The following SLC7A2 variants were observed in gnomAD, a reference collection of about 807,000 sequenced individuals.
The protein encoded by SLC7A2 is solute carrier family 7 member 2.
SLC7A2 carries 48 observed loss-of-function variants against 58.9 expected under a neutral mutation model. The ratio of observed to expected loss-of-function variants is 0.82; its 90% CI spans 0.65 to 1.04. The LOEUF is 1.04. Ranked by LOEUF, SLC7A2 falls within the 50% of genes least tolerant of loss-of-function variation. The pLI, the probability that SLC7A2 is intolerant of heterozygous loss-of-function variation, is 0.00. For synonymous variants in SLC7A2, 363 were observed against 314.5 expected (o/e 1.15, Z -1.63); for missense variants, 1,029 against 818.8 (o/e 1.26, Z -3.13).
At chr8:17,495,330 C>G (rs1033906714), upstream of SLC7A2, among the ~76,000 whole-genome samples, 1 of 152,230 alleles carries the variant, frequency 6.6e-6, no homozygotes, top group South Asian at 2.1e-4. Context: ...GTCATCGCTC[C>G]CTTGAACAAC....
chr8:17,557,629 A>G (rs1802768256), intron 8 of SLC7A2, among the ~76,000 whole-genome samples: 2 of 152,178 alleles, frequency 1.3e-5, no homozygotes, highest in Admixed American at 1.3e-4. Context: ...CCAGTTCGAG[A>G]CCAGCCTGAC....
chr8:17,496,272 C>T (rs556782592), upstream of SLC7A2, among the ~76,000 whole-genome samples: 7 of 152,246 alleles, frequency 4.6e-5, no homozygotes, highest in East Asian at 7.7e-4. Context: ...CAGTGAGCCA[C>T]GATTGTGTCA....
chr8:17,554,838 G>A (rs942078604), intron 8 of SLC7A2, 139 bp downstream of exon 8: 1 of 1,457,352 alleles, frequency 6.9e-7, no homozygotes, highest in South Asian at 1.4e-5. Flanking sequence ...TTCCTATTTT[G>A]AATTTTTTGG....
intron 2 of SLC7A2, among the ~76,000 whole-genome samples, chr8:17,535,400 G>C (rs1372241854): frequency 6.6e-6 from 1 of 152,134 alleles, no homozygotes; most frequent in African/African-American, 2.4e-5. Context: ...CCCCGTCACA[G>C]TCAGAGTTAG....
chr8:17,557,523 A>G (rs1309690396), intron 8 of SLC7A2, among the ~76,000 whole-genome samples: 2 of 152,182 alleles, frequency 1.3e-5, no homozygotes, highest in East Asian at 3.9e-4. Context: ...TTATTTTATC[A>G]GAATTACTAA....
At chr8:17,509,424 C>T (rs1800506409) in intron 2 of SLC7A2, among the ~76,000 whole-genome samples, 1 of 152,000 alleles carries the variant, frequency 6.6e-6, no homozygotes, top group African/African-American at 2.4e-5. Flanking sequence ...TTCTGCCTCA[C>T]CCTCCCAAGT....
intron 11 of SLC7A2, among the ~76,000 whole-genome samples, chr8:17,562,785 GGTGA>G (rs1440673313): frequency 5.3e-5 from 8 of 152,248 alleles, no homozygotes; most frequent in Admixed American, 2.6e-4. Flanking sequence ...AAAAAAGTAG[GGTGA>G]GTATTTTGTT....
Position 17,548,679 on chromosome 8 carries a change from T to C in SLC7A2, c.534T>C (p.Gly178=). The C allele has an allele frequency of 6.3e-7, 1 of 1,595,300 alleles. No homozygotes were observed. Among genetic ancestry groups the C allele is most frequent in the Non-Finnish European group, 8.5e-7 (1 of 1,173,624 alleles). ...AATTGAAATGCCCTTTTTCCATAGG[T>C]CTTTTGTCTTTTGGAGTAAAAGAGT... ...FAVCLILLLA[G]LLSFGVKESA... is the part of the protein sequence containing the mutation. The change falls in exon 5 of 13, where the codon GGT becomes GGC. Residue 178 remains glycine, a splice_region_variant and synonymous_variant. Coordinates refer to ENST00000494857, the MANE Select transcript of SLC7A2 (RefSeq NM_001370338.1).
intron 9 of SLC7A2, among the ~76,000 whole-genome samples, 179 bp from the exon 10 acceptor site, chr8:17,560,149 T>C (rs1427941907): frequency 6.6e-6 from 1 of 152,158 alleles, no homozygotes; most frequent in Non-Finnish European, 1.5e-5. Flanking sequence ...TTGCTGCAGT[T>C]GTTTTATCGG....
rs751528828 is a variant in SLC7A2, at chr8:17,544,581, T to C, written c.507T>C (p.Ala169=). 13 of 1,613,968 alleles carry C rather than the reference T, an allele frequency of 8.1e-6. 1 individual carries two copies. The highest frequency in any genetic ancestry group is 3.4e-6 in the Non-Finnish European group (4 of 1,179,974). The stretch of plus-strand genomic sequence containing the variant: ...TTGCAGAATATCCCGATTTTTTTGC[T>C]GTGTGCCTTATATTACTTCTAGCAG... ...TGLAEYPDFF[A]VCLILLLAGL... is the part of the protein sequence containing the mutation. Residue 169 remains alanine (A), a synonymous_variant, in exon 4 of 13, where the codon GCT becomes GCC. Transcript: ENST00000494857.
chr8:17,563,666 T>G lies in SLC7A2; in HGVS notation c.1735T>G (p.Leu579Val). Reference sequence around the variant, plus strand: ...GGTGAACATTTACTTGATGGTCCAGTTAAGTGCAGACACTTGGGTCAGATT... The same window carrying G: ...GGTGAACATTTACTTGATGGTCCAGGTAAGTGCAGACACTTGGGTCAGATT... ...ILVNIYLMVQ[L>V]SADTWVRFSI... is the part of the protein sequence containing the mutation. The change falls in exon 12 of 13, where the codon TTA becomes GTA. Residue 579 changes from leucine to valine, a missense_variant. Coordinates refer to ENST00000494857, the MANE Select transcript of SLC7A2 (RefSeq NM_001370338.1). The G allele has an allele frequency of 6.2e-7, 1 of 1,613,678 alleles. No individual in the cohort carries two copies. The highest frequency in any genetic ancestry group is 8.5e-7 in the Non-Finnish European group (1 of 1,179,660).
At chr8:17,522,536 A>G (rs972460707) in intron 2 of SLC7A2, among the ~76,000 whole-genome samples, 3 of 152,064 alleles carry the variant, frequency 2.0e-5, no homozygotes, top group Admixed American at 6.5e-5. Context: ...GATTCTTACT[A>G]TATTTTATCA....
intron 8 of SLC7A2, among the ~76,000 whole-genome samples, chr8:17,555,597 T>C (rs993057942): frequency 6.6e-6 from 1 of 152,214 alleles, no homozygotes; most frequent in East Asian, 1.9e-4. Context: ...TTGGCCCTTG[T>C]GATCGCCATC....
Position 17,554,661 on chromosome 8 carries a change from C to A in SLC7A2, c.1157C>A (p.Thr386Lys). Residue 386 changes from threonine (T) to lysine (K), a missense_variant, in exon 8 of 13, where the codon ACA (threonine) becomes AAA (lysine). Thr to Lys is a moderately conservative substitution (Grantham distance 78, BLOSUM62 -1). Transcript: ENST00000494857. ...CLAQINSKTK[T>K]PIIATLSSGA... ...GCTCAAATCAATTCCAAAACGAAGA[C>A]ACCAATAATTGCTACTTTATCATCG... 1.2e-6 allele frequency: 2 copies of A among 1,613,198 alleles called. No individual in the cohort carries two copies. The highest frequency in any genetic ancestry group is 1.7e-6 in the Non-Finnish European group (2 of 1,179,790).
intron 2 of SLC7A2, among the ~76,000 whole-genome samples, chr8:17,538,484 CAT>C (rs1336724727): frequency 6.6e-6 from 1 of 152,172 alleles, no homozygotes; most frequent in Admixed American, 6.5e-5. Context: ...ACAGTTACCA[CAT>C]GTGATAGTCT....
chr8:17,502,005 A>C (rs7813711), intron 1 of SLC7A2, among the ~76,000 whole-genome samples: 1 of 152,028 alleles, frequency 6.6e-6, no homozygotes, highest in African/African-American at 2.4e-5. Context: ...GTTGTGGGGA[A>C]AATTCTCTTC....
intron 2 of SLC7A2, among the ~76,000 whole-genome samples, chr8:17,513,557 T>C (rs528585397): frequency 7.2e-5 from 11 of 152,348 alleles, no homozygotes; most frequent in South Asian, 4.1e-4. Context: ...GTAAAGCTTA[T>C]CACAGGATCT....
upstream of SLC7A2, among the ~76,000 whole-genome samples, chr8:17,496,211 C>T (rs1799954132): frequency 6.6e-6 from 1 of 152,082 alleles, no homozygotes; most frequent in Admixed American, 6.6e-5. Context: ...GTTGTCAGCA[C>T]TTTGGGAGGC....
chr8:17,522,188 G>T (rs142247279), intron 2 of SLC7A2, among the ~76,000 whole-genome samples: 1 of 152,108 alleles, frequency 6.6e-6, no homozygotes, highest in African/African-American at 2.4e-5. Flanking sequence ...CAAAAGTCAC[G>T]TCTTACAGGG....
Sources: allele counts gnomAD v4.1 joint callset (sites outside exome capture counted in the v4.1 genomes callset), GRCh38; gene constraint gnomAD v4.1.1; transcripts MANE v1.5; gene names NCBI Gene and HGNC (gene_info 2026-07-23, HGNC 2026-07-21).